Variants in ASIC2 observed in about 807,000 individuals in gnomAD.
ASIC2 encodes the protein acid sensing ion channel subunit 2.
ASIC2 carries 25 observed loss-of-function variants against 57.3 expected under a neutral mutation model. The observed-to-expected ratio is 0.44, with a 90% confidence interval of 0.32 to 0.61. The LOEUF is 0.61. ASIC2 is among the 20% of genes least tolerant of loss of function. ASIC2 has a pLI of 0.06. For synonymous variants in ASIC2, 319 were observed against 307.5 expected (o/e 1.04, Z -0.39); for missense variants, 641 against 738.1 (o/e 0.87, Z 1.52).
intron 1 of ASIC2, among the ~76,000 whole-genome samples, chr17:33,562,471 A>T (rs1916103006): frequency 6.6e-6 from 1 of 152,206 alleles, no homozygotes; most frequent in Non-Finnish European, 1.5e-5. Context: ...CTTGGAAAAA[A>T]GCAGAAGAAT....
chr17:33,806,627 G>C (rs966152776), intron 1 of ASIC2, among the ~76,000 whole-genome samples: 1 of 152,174 alleles, frequency 6.6e-6, no homozygotes, highest in Non-Finnish European at 1.5e-5. Context: ...TGTCAAGCAC[G>C]GGCCTTCTGA....
intron 1 of ASIC2, among the ~76,000 whole-genome samples, chr17:33,269,613 CCCTTCCTTCCTTCCTT>C (rs1162850257): frequency 1.1e-4 from 8 of 73,426 alleles, no homozygotes; most frequent in South Asian, 4.6e-4. Flanking sequence ...AGGGCTCCTT[CCCTTCCTTCCTTCCTT>C]CCTTCCTTCC....
intron 1 of ASIC2, among the ~76,000 whole-genome samples, chr17:33,221,636 A>G (rs1907693691): frequency 6.6e-6 from 1 of 152,244 alleles, no homozygotes; most frequent in Non-Finnish European, 1.5e-5. Context: ...ATCTGACTTC[A>G]TAAAAGAGCC....
At chr17:33,859,894 A>C (rs1914060666) in intron 1 of ASIC2, among the ~76,000 whole-genome samples, 1 of 152,216 alleles carries the variant, frequency 6.6e-6, no homozygotes, top group African/African-American at 2.4e-5. Flanking sequence ...ACTGTTGCCC[A>C]GGCTGGTCTT....
At chr17:34,099,257 GGAAAA>G (rs1305157551) in intron 1 of ASIC2, among the ~76,000 whole-genome samples, 1 of 126,190 alleles carries the variant, frequency 7.9e-6, no homozygotes, top group Admixed American at 9.0e-5. Flanking sequence ...AAGGAAGGAG[GGAAAA>G]GAAAGAAAGA....
At chr17:33,577,807 C>T (rs1193893043) in intron 1 of ASIC2, among the ~76,000 whole-genome samples, 1 of 152,212 alleles carries the variant, frequency 6.6e-6, no homozygotes, top group African/African-American at 2.4e-5. Context: ...ACCTGTCTTA[C>T]ACCACCATCC....
chr17:33,346,719 C>A (rs756185721), intron 1 of ASIC2, among the ~76,000 whole-genome samples: 5 of 152,088 alleles, frequency 3.3e-5, no homozygotes, highest in Non-Finnish European at 7.4e-5. Flanking sequence ...GAGTTGTTTG[C>A]ATGTAGATTA....
At chr17:33,357,966 C>G (rs1908451190) in intron 1 of ASIC2, among the ~76,000 whole-genome samples, 1 of 152,134 alleles carries the variant, frequency 6.6e-6, no homozygotes, top group Non-Finnish European at 1.5e-5. Flanking sequence ...AAATGGAGTC[C>G]TTGGCTGCAG....
At chr17:34,080,532 G>A (rs994304898) in intron 1 of ASIC2, among the ~76,000 whole-genome samples, 1 of 152,202 alleles carries the variant, frequency 6.6e-6, no homozygotes, top group Non-Finnish European at 1.5e-5. Flanking sequence ...AATCTGCTCT[G>A]TGAATGTGAG....
intron 3 of ASIC2, among the ~76,000 whole-genome samples, chr17:33,069,206 A>G (rs887579165): frequency 3.3e-5 from 5 of 152,190 alleles, no homozygotes; most frequent in South Asian, 4.1e-4. Flanking sequence ...CATACTTTCT[A>G]TGACTTGAAT....
intron 1 of ASIC2, among the ~76,000 whole-genome samples, chr17:33,630,901 A>G (rs1906144833): frequency 6.6e-6 from 1 of 152,232 alleles, no homozygotes; most frequent in South Asian, 2.1e-4. Context: ...ACACAAAAGT[A>G]TAAAATTAAG....
intron 1 of ASIC2, among the ~76,000 whole-genome samples, chr17:33,377,518 A>G (rs572475829): frequency 6.6e-5 from 10 of 152,310 alleles, no homozygotes; most frequent in Admixed American, 5.9e-4. Flanking sequence ...CTTTGACCCA[A>G]TCGCATTCAT....
intron 1 of ASIC2, among the ~76,000 whole-genome samples, chr17:33,486,449 A>G (rs931360536): frequency 6.6e-6 from 1 of 152,164 alleles, no homozygotes; most frequent in Non-Finnish European, 1.5e-5. Flanking sequence ...GGAGCCTGGT[A>G]CAGCACCTGG....
At position 34,155,828 on chromosome 17, in the gene ASIC2, A is replaced by G; in HGVS notation, c.555+150T>C. The G allele has an allele frequency of 5.9e-6, 5 of 848,342 alleles. No homozygotes were observed. In the East Asian group the frequency reaches 8.0e-5, roughly 14 times the overall value. 52.6% of individuals were successfully genotyped at this position (848,342 alleles called of 1,614,324 possible). On this transcript the variant is annotated intron_variant, in intron 1 of 9. Transcript: ENST00000359872. ...GCCTTCCCTGCAACCAGCTCGCACA[A>G]CTCTGACCAACTACCCTCGTGGCCT...
chr17:33,538,646 G>C (rs1045711947), intron 1 of ASIC2, among the ~76,000 whole-genome samples: 7 of 152,166 alleles, frequency 4.6e-5, no homozygotes, highest in African/African-American at 1.7e-4. Flanking sequence ...TTCCAAAGGG[G>C]CATCAGCTGC....
intron 1 of ASIC2, among the ~76,000 whole-genome samples, chr17:33,283,661 G>A (rs1001169914): frequency 6.6e-6 from 1 of 152,198 alleles, no homozygotes; most frequent in African/African-American, 2.4e-5. Context: ...GGGGCCTTAA[G>A]AGACCTTAAT....
chr17:33,215,201 A>T (rs186841206), intron 1 of ASIC2, among the ~76,000 whole-genome samples: 101 of 152,350 alleles, frequency 6.6e-4, no homozygotes, highest in South Asian at 2.1e-4. Context: ...TGTGGGGAAA[A>T]GTATTGTAAA....
At chr17:33,812,056 A>G (rs1912438274) in intron 1 of ASIC2, among the ~76,000 whole-genome samples, 1 of 152,118 alleles carries the variant, frequency 6.6e-6, no homozygotes, top group South Asian at 2.1e-4. Flanking sequence ...TTTCATTATC[A>G]GATAAAAACC....
intron 1 of ASIC2, among the ~76,000 whole-genome samples, chr17:33,642,280 G>T (rs1439263808): frequency 1.3e-5 from 2 of 149,814 alleles, no homozygotes; most frequent in Non-Finnish European, 3.0e-5. Flanking sequence ...GGGACTTGCT[G>T]CCAAGCTCCA....
Sources: allele counts gnomAD v4.1 joint callset (sites outside exome capture counted in the v4.1 genomes callset), GRCh38; gene constraint gnomAD v4.1.1; transcripts MANE v1.5; gene names NCBI Gene and HGNC (gene_info 2026-07-23, HGNC 2026-07-21).